ATF7IP2: variants seen among roughly 807,000 people sequenced by gnomAD.
ATF7IP2 encodes the protein activating transcription factor 7-interacting protein 2.
A neutral mutation model predicts 64.2 loss-of-function variants in ATF7IP2; 42 were observed. The observed-to-expected ratio is 0.65, with a 90% CI of 0.51 to 0.85. The LOEUF is 0.85. ATF7IP2 is among the 40% of genes least tolerant of loss of function. The pLI, the probability that ATF7IP2 is intolerant of heterozygous loss-of-function variation, is 0.00. For synonymous variants in ATF7IP2, 308 were observed against 272.8 expected, an observed-to-expected ratio of 1.13 and a Z score of -1.27; for missense variants, 933 against 784.2, an observed-to-expected ratio of 1.19 and a Z score of -2.27.
At chr16:10,433,469 T>C in intron 5 of ATF7IP2, 56 bp from the exon 6 acceptor site, 1 of 1,541,658 alleles carries the variant, frequency 6.5e-7, no homozygotes, top group Non-Finnish European at 8.9e-7. Context: ...GCCACCACAC[T>C]GAACCTGTTT....
chr16:10,390,369 A>G (rs555994500), intron 1 of ATF7IP2, among the ~76,000 whole-genome samples: 11 of 152,248 alleles, frequency 7.2e-5, no homozygotes, highest in Non-Finnish European at 1.5e-4. Context: ...AAAAAATTAC[A>G]ATGCATCTTA....
intron 1 of ATF7IP2, among the ~76,000 whole-genome samples, chr16:10,393,423 A>G (rs896887207): frequency 1.3e-5 from 2 of 152,262 alleles, no homozygotes; most frequent in Non-Finnish European, 2.9e-5. Context: ...AAAGGCAGAC[A>G]TAAATCAAGC....
At chr16:10,398,242 T>C (rs1327656454) in intron 1 of ATF7IP2, among the ~76,000 whole-genome samples, 1 of 151,642 alleles carries the variant, frequency 6.6e-6, no homozygotes, top group African/African-American at 2.4e-5. Context: ...AGGCAGAGGT[T>C]GTAGTGAGCC....
chr16:10,443,926 C>G (rs560264408), intron 8 of ATF7IP2, among the ~76,000 whole-genome samples: 2 of 152,270 alleles, frequency 1.3e-5, no homozygotes, highest in African/African-American at 4.8e-5. Context: ...GCACAGGGAC[C>G]TTCCGTGAAA....
At chr16:10,481,770 A>C (rs1293666158) in intron 13 of ATF7IP2, 66 bp from the exon 14 acceptor site, 1 of 1,300,790 alleles carries the variant, frequency 7.7e-7, no homozygotes, top group African/African-American at 1.5e-5. Context: ...AGAATGAGAA[A>C]TATATATTTC....
In ATF7IP2 at chr16:10,473,059, G is replaced by A. The variant is rs74007103; in HGVS notation, c.1427-420G>A. ...CTACTTAATTGTCCCCACAATTTGG[G>A]CTAAGATTGTGAATCAGAGAATTAC... On this transcript the variant is annotated intron_variant, in intron 10 of 13. Coordinates refer to ENST00000562102, the MANE Select transcript of ATF7IP2 (RefSeq NM_001393719.1). Among the ~76,000 whole-genome samples, 665 of 152,136 alleles carry A rather than the reference G, an allele frequency of 4.4e-3. 2 individuals are homozygous for A. Among genetic ancestry groups the A allele is most frequent in the African/African-American group, 0.015 (613 of 41,500 alleles).
Position 10,427,739 on chromosome 16 carries a change from A to T in ATF7IP2, c.-159-1129A>T, listed in dbSNP as rs118176472. On this transcript the variant is annotated intron_variant, in intron 3 of 13. Transcript: ENST00000562102. The stretch of plus-strand genomic sequence containing the variant: ...CCAGTTGTGGTGGTGCATGCCTGTA[A>T]TCCCAGCCTCTTAGGAGGCTGAGGT... 8.6e-3 allele frequency among the ~76,000 whole-genome samples: 1,304 copies of T among 152,090 alleles called. 8 individuals are homozygous for T. The highest frequency in any genetic ancestry group is 0.014 in the Non-Finnish European group (933 of 67,974).
In ATF7IP2 at chr16:10,433,244, G is replaced by T. The variant is rs79456168; in HGVS notation, c.836-281G>T. Reference sequence around the variant, plus strand: ...CCCAGGCTAGAGTGCAGTAGTCAAGGTGCTCACTGCCACCTCAACCTCCCA... The same window carrying T: ...CCCAGGCTAGAGTGCAGTAGTCAAGTTGCTCACTGCCACCTCAACCTCCCA... On this transcript the variant is annotated intron_variant, in intron 5 of 13. Transcript: ENST00000562102. Among the ~76,000 whole-genome samples, 1,237 of 152,028 alleles carry T rather than the reference G, an allele frequency of 8.1e-3. 11 individuals are homozygous for T. Among genetic ancestry groups the T allele is most frequent in the African/African-American group, 0.028 (1,151 of 41,468 alleles).
intron 9 of ATF7IP2, 22 bp downstream of exon 9, chr16:10,457,551 C>T (rs1394483313): frequency 6.7e-7 from 1 of 1,502,990 alleles, no homozygotes; most frequent in South Asian, 1.3e-5. Flanking sequence ...TGCAAAAATG[C>T]ATAAATTTAT....
At chr16:10,465,056 G>T (rs1430176369) in intron 9 of ATF7IP2, among the ~76,000 whole-genome samples, 1 of 152,050 alleles carries the variant, frequency 6.6e-6, no homozygotes. Flanking sequence ...TCTCAAACTC[G>T]TCACCTCAGG....
chr16:10,408,327 A>G (rs140510126), intron 1 of ATF7IP2, among the ~76,000 whole-genome samples: 2 of 152,290 alleles, frequency 1.3e-5, no homozygotes, highest in East Asian at 1.9e-4. Context: ...TTTTTGTATA[A>G]TGACTACTTT....
chr16:10,478,007 T>C (rs2050074351), intron 12 of ATF7IP2, among the ~76,000 whole-genome samples: 1 of 148,186 alleles, frequency 6.7e-6, no homozygotes, highest in Non-Finnish European at 1.5e-5. Context: ...TAAAAGAGGA[T>C]ACAAACAAAT....
chr16:10,404,083 A>C (rs539982668), intron 1 of ATF7IP2, among the ~76,000 whole-genome samples: 63 of 152,334 alleles, frequency 4.1e-4, no homozygotes, highest in African/African-American at 1.4e-3. Flanking sequence ...CAGGAAGCCT[A>C]ATGATTCCTA....
At chr16:10,458,614 G>C (rs931965841) in intron 9 of ATF7IP2, among the ~76,000 whole-genome samples, 1 of 152,100 alleles carries the variant, frequency 6.6e-6, no homozygotes, top group African/African-American at 2.4e-5. Flanking sequence ...TTAATGGTGA[G>C]TTTTATAAAA....
At chr16:10,455,241 G>A (rs1356919583) in intron 8 of ATF7IP2, among the ~76,000 whole-genome samples, 1 of 152,126 alleles carries the variant, frequency 6.6e-6, no homozygotes, top group African/African-American at 2.4e-5. Context: ...GTTAATCCTG[G>A]ATTATCTGTG....
chr16:10,422,240 T>C (rs1289294155), intron 3 of ATF7IP2, among the ~76,000 whole-genome samples: 1 of 152,234 alleles, frequency 6.6e-6, no homozygotes, highest in African/African-American at 2.4e-5. Flanking sequence ...TTTAAAGGTA[T>C]AGGTTCTGGA....
At chr16:10,420,340 C>G (rs1306106521) in intron 3 of ATF7IP2, among the ~76,000 whole-genome samples, 1 of 152,178 alleles carries the variant, frequency 6.6e-6, no homozygotes, top group Non-Finnish European at 1.5e-5. Flanking sequence ...AAGCTAGTCT[C>G]CCAAACGAGG....
chr16:10,421,099 G>T (rs528260332), intron 3 of ATF7IP2, among the ~76,000 whole-genome samples: 139 of 152,302 alleles, frequency 9.1e-4, no homozygotes, highest in South Asian at 1.4e-3. Flanking sequence ...TTGTGCCTTT[G>T]TGAGAGGGAC....
At chr16:10,394,553 C>G (rs1379889397) in intron 1 of ATF7IP2, among the ~76,000 whole-genome samples, 1 of 152,126 alleles carries the variant, frequency 6.6e-6, no homozygotes, top group Non-Finnish European at 1.5e-5. Context: ...GAACAGTCCA[C>G]CCAACAACAG....
Sources: allele counts gnomAD v4.1 joint callset (sites outside exome capture counted in the v4.1 genomes callset), GRCh38; gene constraint gnomAD v4.1.1; transcripts MANE v1.5; gene names NCBI Gene and HGNC (gene_info 2026-07-23, HGNC 2026-07-21).